Variants in PLCL2 observed in about 807,000 individuals in gnomAD.
PLCL2 encodes the protein inactive phospholipase C-like protein 2.
PLCL2 carries 4 observed loss-of-function variants against 79.6 expected under a neutral mutation model. The observed-to-expected ratio is 0.05, with a 90% CI of 0.02 to 0.11. The LOEUF (loss-of-function observed/expected upper bound fraction) is 0.11, where lower values mean the gene tolerates loss of function less well. PLCL2 is among the 10% of genes least tolerant of loss of function. PLCL2 has a pLI of 1.00. For missense variants in PLCL2, 895 were observed against 1,291.0 expected (o/e 0.69, Z 4.70); for synonymous variants, 484 against 457.7 (o/e 1.06, Z -0.73).
intron 4 of PLCL2, among the ~76,000 whole-genome samples, 174 bp from the exon 5 acceptor site, chr3:17,067,782 T>A (rs1450923362): frequency 2.0e-5 from 3 of 152,254 alleles, no homozygotes; most frequent in African/African-American, 4.8e-5. Context: ...GCCTTGTTGC[T>A]GCCATAATTT....
chr3:17,052,315 C>T (rs2064850858), intron 4 of PLCL2, among the ~76,000 whole-genome samples: 1 of 151,244 alleles, frequency 6.6e-6, no homozygotes, highest in African/African-American at 2.4e-5. Context: ...TCATGGACAC[C>T]ACACCAGAGG....
intron 1 of PLCL2, among the ~76,000 whole-genome samples, chr3:16,977,111 T>TACGC (rs1246791090): frequency 6.6e-6 from 1 of 151,482 alleles, no homozygotes; most frequent in African/African-American, 2.4e-5. Context: ...AGCCATTGAA[T>TACGC]ACGCACACAC....
At chr3:17,016,009 G>A (rs933485582) in intron 3 of PLCL2, among the ~76,000 whole-genome samples, 1 of 152,140 alleles carries the variant, frequency 6.6e-6, no homozygotes, top group African/African-American at 2.4e-5. Context: ...CACATGGGGG[G>A]AAAGTTCCTT....
chr3:17,014,758 T>G lies in PLCL2; in HGVS notation c.2865T>G (p.Asn955Lys). The change falls in exon 3 of 6, where the codon AAT (asparagine) becomes AAG (lysine). Residue 955 changes from asparagine to lysine, a missense_variant. Physicochemically the swap from Asn to Lys is moderately conservative, Grantham distance 94. Coordinates refer to ENST00000615277, the MANE Select transcript of PLCL2 (RefSeq NM_001144382.2). ...TGTGTGGCCTCTCCTCTGTGGCCAA[T>G]CTCATGCAGTGCATGTTGGCGGTGT... ...KELCGLSSVA[N>K]LMQCMLAVSP... is the part of the protein sequence containing the mutation. The G allele has an allele frequency of 6.2e-7, 1 of 1,614,136 alleles. No homozygotes were observed. The highest frequency in any genetic ancestry group is 8.5e-7 in the Non-Finnish European group (1 of 1,179,996).
rs1056023349 is a variant in PLCL2 at position 16,946,953 on chromosome 3, C to CTTTTTTTTTTTTTT, written c.327+61594_327+61607dup. ...ATGAATATAAAATTAAAGTTTCATT[C>CTTTTTTTTTTTTTT]TTTTTTTTTTTTTTTTTTTTGAGAC... On this transcript the variant is annotated intron_variant, in intron 1 of 5. Transcript: ENST00000615277. Among the ~76,000 whole-genome samples, 23 of 95,442 alleles carry CTTTTTTTTTTTTTT rather than the reference C, an allele frequency of 2.4e-4. 1 individual carries two copies. The highest frequency in any genetic ancestry group is 3.6e-4 in the South Asian group (1 of 2,742). The allele number at this position is 95,442 out of a possible 152,430, so 62.6% of individuals were successfully genotyped here. A position where few individuals can be genotyped will look rare whatever the true frequency, so the allele number is the denominator to read the frequency against.
At chr3:16,928,736 A>C (rs941128983) in intron 1 of PLCL2, among the ~76,000 whole-genome samples, 1 of 152,220 alleles carries the variant, frequency 6.6e-6, no homozygotes, top group Non-Finnish European at 1.5e-5. Context: ...TACTTCATCT[A>C]CTTGTTGTGA....
chr3:16,961,666 G>A (rs560236771), intron 1 of PLCL2, among the ~76,000 whole-genome samples: 2 of 152,282 alleles, frequency 1.3e-5, no homozygotes, highest in African/African-American at 2.4e-5. Context: ...AGAATGGGAC[G>A]CAGAAAGCAG....
At chr3:17,061,419 C>T (rs1292993964) in intron 4 of PLCL2, among the ~76,000 whole-genome samples, 2 of 152,094 alleles carry the variant, frequency 1.3e-5, no homozygotes, top group Non-Finnish European at 2.9e-5. Flanking sequence ...TGCAGTTGTA[C>T]TAAATGTTCT....
chr3:17,020,002 C>T (rs1161736515), intron 3 of PLCL2, among the ~76,000 whole-genome samples: 1 of 152,126 alleles, frequency 6.6e-6, no homozygotes. Context: ...ACTGGCATTT[C>T]GGTGCATCTC....
chr3:17,008,240 G>A (rs1372742456), intron 1 of PLCL2, among the ~76,000 whole-genome samples: 1 of 151,058 alleles, frequency 6.6e-6, no homozygotes, highest in African/African-American at 2.4e-5. Flanking sequence ...TACGATTTTA[G>A]GAGCTCCAAC....
chr3:17,080,435 A>G (rs1259177316), intron 5 of PLCL2, among the ~76,000 whole-genome samples: 1 of 151,838 alleles, frequency 6.6e-6, no homozygotes, highest in Admixed American at 6.6e-5. Flanking sequence ...CGTAGCCAAG[A>G]CTCCTACAAT....
rs79497052 is a variant in PLCL2 at position 16,885,978 on chromosome 3, C to G, written c.327+612C>G. 9.3e-4 allele frequency among the ~76,000 whole-genome samples: 141 copies of G among 152,296 alleles called. 1 individual carries two copies. The highest frequency in any genetic ancestry group is 3.2e-3 in the African/African-American group (132 of 41,562). On this transcript the variant is annotated intron_variant, in intron 1 of 5. Transcript: ENST00000615277. The stretch of plus-strand genomic sequence containing the variant: ...CTCAAAAGCTCAGAGATTACAGTTC[C>G]ACACGATTTAATCTTTTTCCTTGCT...
intron 1 of PLCL2, among the ~76,000 whole-genome samples, chr3:16,922,900 A>G (rs1302607069): frequency 6.6e-6 from 1 of 152,118 alleles, no homozygotes; most frequent in African/African-American, 2.4e-5. Flanking sequence ...TGAAGGCAAA[A>G]TAGTGCATAT....
intron 1 of PLCL2, among the ~76,000 whole-genome samples, chr3:16,954,274 G>A (rs1212318721): frequency 6.6e-6 from 1 of 152,146 alleles, no homozygotes; most frequent in Non-Finnish European, 1.5e-5. Flanking sequence ...AGCACATGCG[G>A]TGTTTGGTTT....
At chr3:17,059,842 T>G (rs1231362447) in intron 4 of PLCL2, among the ~76,000 whole-genome samples, 1 of 152,144 alleles carries the variant, frequency 6.6e-6, no homozygotes, top group Non-Finnish European at 1.5e-5. Context: ...CATTATCTGT[T>G]GAAAATTAAA....
chr3:16,974,687 A>G (rs1314572729), intron 1 of PLCL2, among the ~76,000 whole-genome samples: 2 of 152,184 alleles, frequency 1.3e-5, no homozygotes, highest in Non-Finnish European at 2.9e-5. Context: ...AGCACTTTGT[A>G]TGTCTCTTGC....
intron 4 of PLCL2, among the ~76,000 whole-genome samples, chr3:17,055,848 G>A (rs1265043457): frequency 6.6e-6 from 1 of 152,154 alleles, no homozygotes; most frequent in Non-Finnish European, 1.5e-5. Context: ...TGACTGCTCA[G>A]ACTCAGGCAT....
chr3:17,080,543 C>T (rs574388733), intron 5 of PLCL2, among the ~76,000 whole-genome samples: 5 of 152,200 alleles, frequency 3.3e-5, no homozygotes, highest in South Asian at 2.1e-4. Context: ...CTCCACCTCC[C>T]GGGTTCAAGT....
chr3:17,017,643 A>G (rs183585511), intron 3 of PLCL2, among the ~76,000 whole-genome samples: 2 of 152,276 alleles, frequency 1.3e-5, no homozygotes, highest in African/African-American at 4.8e-5. Flanking sequence ...CTTCCCATGT[A>G]TAATGTATGG....
Sources: gnomAD v4.1 joint callset for allele counts (sites outside exome capture counted in the v4.1 genomes callset) on GRCh38, gnomAD v4.1.1 for gene constraint, MANE v1.5 for transcripts, NCBI Gene and HGNC (gene_info 2026-07-23, HGNC 2026-07-21) for gene names.